RABGAP1L: variants seen among roughly 807,000 people sequenced by gnomAD.
The protein encoded by RABGAP1L is RAB GTPase activating protein 1 like.
A neutral mutation model predicts 137.7 loss-of-function variants in RABGAP1L; 63 were observed. The ratio of observed to expected loss-of-function variants is 0.46; its 90% CI spans 0.37 to 0.56. The LOEUF is 0.56. Among genes scored for constraint, RABGAP1L ranks in the 20% least tolerant of loss-of-function variants. RABGAP1L has a pLI of 0.00. For synonymous variants in RABGAP1L, 431 were observed against 433.7 expected (o/e 0.99, Z 0.08); for missense variants, 1,095 against 1,244.0 (o/e 0.88, Z 1.80).
At chr1:174,738,135 AAGG>A (rs901761558) in intron 17 of RABGAP1L, among the ~76,000 whole-genome samples, 7 of 152,154 alleles carry the variant, frequency 4.6e-5, no homozygotes, top group African/African-American at 1.7e-4. Context: ...GAGATGTTTC[AAGG>A]AGGAGATTAC....
At chr1:174,879,649 G>A (rs889108206) in intron 19 of RABGAP1L, among the ~76,000 whole-genome samples, 2 of 152,148 alleles carry the variant, frequency 1.3e-5, no homozygotes, top group African/African-American at 4.8e-5. Flanking sequence ...TATTGAAACT[G>A]GGTGATAAGT....
At chr1:174,654,219 C>G (rs1259390494) in intron 14 of RABGAP1L, among the ~76,000 whole-genome samples, 1 of 152,184 alleles carries the variant, frequency 6.6e-6, no homozygotes, top group Non-Finnish European at 1.5e-5. Flanking sequence ...GTCACAGCTC[C>G]TGGGAACCTC....
intron 11 of RABGAP1L, among the ~76,000 whole-genome samples, chr1:174,321,947 TG>T (rs1430110615): frequency 6.6e-6 from 1 of 152,202 alleles, no homozygotes; most frequent in Non-Finnish European, 1.5e-5. Flanking sequence ...TTCTGTTACT[TG>T]TCTTACTGAT....
intron 13 of RABGAP1L, among the ~76,000 whole-genome samples, chr1:174,522,471 T>G (rs964177151): frequency 1.3e-5 from 2 of 150,496 alleles, no homozygotes; most frequent in Non-Finnish European, 2.9e-5. Flanking sequence ...CAGGAAAGCT[T>G]AGCTGGGAAA....
chr1:174,870,816 C>T (rs1652058320), intron 19 of RABGAP1L, among the ~76,000 whole-genome samples: 1 of 150,796 alleles, frequency 6.6e-6, no homozygotes, highest in Non-Finnish European at 1.5e-5. Flanking sequence ...TAGCTTACTG[C>T]AAGCTCCACC....
At chr1:174,662,406 GTTGTTTGTTTGT>G (rs556333223) in intron 14 of RABGAP1L, among the ~76,000 whole-genome samples, 4 of 150,014 alleles carry the variant, frequency 2.7e-5, no homozygotes, top group Non-Finnish European at 5.9e-5. Flanking sequence ...GCCTGGCCTG[GTTGTTTGTTTGT>G]TTGTTTGTTT....
At chr1:174,510,360 G>T (rs7554277) in intron 13 of RABGAP1L, among the ~76,000 whole-genome samples, 1 of 152,048 alleles carries the variant, frequency 6.6e-6, no homozygotes, top group African/African-American at 2.4e-5. Context: ...TATGTCACAC[G>T]TAGCAGGTAC....
chr1:174,705,868 A>C (rs1680004493), intron 17 of RABGAP1L: 1 of 152,184 alleles, frequency 6.6e-6, no homozygotes, highest in Admixed American at 6.5e-5. Context: ...AGTCTTAAAT[A>C]GATTATCCAT....
intron 13 of RABGAP1L, among the ~76,000 whole-genome samples, chr1:174,501,216 C>CTT (rs1371987716): frequency 2.6e-4 from 36 of 141,014 alleles, no homozygotes; most frequent in Admixed American, 9.3e-4. Context: ...TTTGTTTACT[C>CTT]TTTTTTTTTT....
At chr1:174,618,362 CCA>C (rs1193924478) in intron 13 of RABGAP1L, among the ~76,000 whole-genome samples, 1 of 152,168 alleles carries the variant, frequency 6.6e-6, no homozygotes, top group Admixed American at 6.5e-5. Context: ...GGTCTCTGAC[CCA>C]CGCGTAGCCT....
At chr1:174,327,794 A>G (rs1267208744) in intron 11 of RABGAP1L, among the ~76,000 whole-genome samples, 1 of 151,476 alleles carries the variant, frequency 6.6e-6, no homozygotes, top group Non-Finnish European at 1.5e-5. Flanking sequence ...AAAATGATGG[A>G]TGGGAAAAGG....
intron 13 of RABGAP1L, among the ~76,000 whole-genome samples, chr1:174,616,225 C>A (rs1034407618): frequency 6.6e-6 from 1 of 152,148 alleles, no homozygotes; most frequent in African/African-American, 2.4e-5. Flanking sequence ...TTTGGGTGCC[C>A]CCCGTTGGTA....
chr1:174,718,117 GTCT>G (rs1208248103), intron 17 of RABGAP1L, among the ~76,000 whole-genome samples: 2 of 152,090 alleles, frequency 1.3e-5, no homozygotes, highest in East Asian at 1.9e-4. Context: ...AGACTCTGTT[GTCT>G]TCTTCTTTCA....
At chr1:174,849,910 A>G (rs1422893130) in intron 19 of RABGAP1L, 3 of 607,786 alleles carry the variant, frequency 4.9e-6, no homozygotes, top group Admixed American at 1.9e-5. Flanking sequence ...AGCTCTTGAC[A>G]TCTTTCAGCA....
chr1:174,771,844 T>G (rs536201592), intron 18 of RABGAP1L, among the ~76,000 whole-genome samples: 81 of 152,348 alleles, frequency 5.3e-4, no homozygotes, highest in African/African-American at 1.9e-3. Context: ...AAATTAATAG[T>G]AAGACACCTA....
At chr1:174,640,191 C>T (rs974015712) in intron 14 of RABGAP1L, among the ~76,000 whole-genome samples, 3 of 151,958 alleles carry the variant, frequency 2.0e-5, no homozygotes, top group Non-Finnish European at 2.9e-5. Flanking sequence ...CCCTGTAGAC[C>T]GCTTGGTTTG....
chr1:174,753,577 A>C (rs1246003953), intron 18 of RABGAP1L, among the ~76,000 whole-genome samples: 3 of 152,208 alleles, frequency 2.0e-5, no homozygotes, highest in Non-Finnish European at 4.4e-5. Context: ...CTATTTAGAA[A>C]ATAGAAAAAT....
intron 19 of RABGAP1L, among the ~76,000 whole-genome samples, chr1:174,903,972 A>T (rs1330383449): frequency 6.6e-6 from 1 of 151,308 alleles, no homozygotes; most frequent in Non-Finnish European, 1.5e-5. Flanking sequence ...AAAAAAAAAA[A>T]ATTCCTAGGG....
intron 19 of RABGAP1L, among the ~76,000 whole-genome samples, chr1:174,841,241 T>A (rs374631082): frequency 8.5e-5 from 13 of 152,152 alleles, no homozygotes; most frequent in African/African-American, 3.1e-4. Context: ...TAAAGAAAAT[T>A]TCAAAGAATT....
Sources: allele counts gnomAD v4.1 joint callset (sites outside exome capture counted in the v4.1 genomes callset), GRCh38; gene constraint gnomAD v4.1.1; transcripts MANE v1.5; gene names NCBI Gene and HGNC (gene_info 2026-07-23, HGNC 2026-07-21).